ZNF10: variants seen among roughly 807,000 people sequenced by gnomAD.
ZNF10 encodes the protein zinc finger protein 10.
ZNF10 carries 8 observed loss-of-function variants against 12.2 expected under a neutral mutation model. The ratio of observed to expected loss-of-function variants is 0.66; its 90% CI spans 0.39 to 1.18. ZNF10 has a LOEUF of 1.18. ZNF10 is among the 50% of genes most tolerant of loss of function. The pLI, the probability that ZNF10 is intolerant of heterozygous loss-of-function variation, is 0.01. For missense variants in ZNF10, 603 were observed against 678.9 expected, an observed-to-expected ratio of 0.89 and a Z score of 1.24; for synonymous variants, 229 against 228.2, an observed-to-expected ratio of 1.00 and a Z score of -0.03.
chr12:133,134,137 A>G (rs1252945547), intron 1 of ZNF10, among the ~76,000 whole-genome samples: 1 of 144,332 alleles, frequency 6.9e-6, no homozygotes. Flanking sequence ...TGTCGCTACT[A>G]AAAATACAAA....
intron 2 of ZNF10, among the ~76,000 whole-genome samples, chr12:133,147,829 T>C (rs1465278212): frequency 1.3e-5 from 2 of 151,002 alleles, no homozygotes; most frequent in Non-Finnish European, 3.0e-5. Context: ...GGTTTCACCG[T>C]GTTGCCCAGG....
intron 1 of ZNF10, among the ~76,000 whole-genome samples, chr12:133,135,929 A>G (rs1179107899): frequency 1.3e-5 from 2 of 152,180 alleles, no homozygotes; most frequent in Non-Finnish European, 2.9e-5. Flanking sequence ...ACCTCAGCTT[A>G]TCTTTTGTCA....
intron 2 of ZNF10, among the ~76,000 whole-genome samples, chr12:133,150,183 C>T (rs1347913593): frequency 6.6e-6 from 1 of 152,192 alleles, no homozygotes; most frequent in Non-Finnish European, 1.5e-5. Flanking sequence ...TCTGAGATTT[C>T]AGGTTTCTCT....
intron 4 of ZNF10, 86 bp from the exon 5 acceptor site, chr12:133,155,417 T>C: frequency 7.3e-7 from 1 of 1,367,174 alleles, no homozygotes; most frequent in Non-Finnish European, 9.8e-7. Flanking sequence ...ACTGTGTACA[T>C]CTTGCATACT....
At chr12:133,140,592 T>C (rs1401170077) in intron 1 of ZNF10, among the ~76,000 whole-genome samples, 2 of 152,132 alleles carry the variant, frequency 1.3e-5, no homozygotes, top group Non-Finnish European at 2.9e-5. Flanking sequence ...TCTGTTTTGT[T>C]GTTGTTGGGG....
At chr12:133,134,144 C>CAAAAA (rs35470467) in intron 1 of ZNF10, among the ~76,000 whole-genome samples, 2 of 68,066 alleles carry the variant, frequency 2.9e-5, no homozygotes, top group Non-Finnish European at 7.2e-5. Flanking sequence ...ACTAAAAATA[C>CAAAAA]AAAAAAAAAA....
chr12:133,147,868 T>A (rs1955985464), intron 2 of ZNF10, among the ~76,000 whole-genome samples: 1 of 150,696 alleles, frequency 6.6e-6, no homozygotes, highest in Non-Finnish European at 1.5e-5. Flanking sequence ...ACTCAGGCAA[T>A]CCTGAGGCAT....
In ZNF10 at chr12:133,151,046, G is replaced by A; in HGVS notation, c.52G>A (p.Asp18Asn). 6.2e-7 allele frequency: 1 copy of A among 1,612,766 alleles called. No individual in the cohort carries two copies. The highest frequency in any genetic ancestry group is 8.5e-7 in the Non-Finnish European group (1 of 1,179,024). The part of the protein sequence containing the change: ...AWSRTLVTFK[D>N]VFVDFTREEW... The stretch of plus-strand genomic sequence containing the variant: ...GTTGTAGACACTGGTGACCTTCAAG[G>A]ATGTATTTGTGGACTTCACCAGGGA... The change falls in exon 3 of 5, where the codon GAT (aspartate) becomes AAT (asparagine). Residue 18 changes from aspartate (D) to asparagine (N), a missense_variant. Transcript: ENST00000248211.
intron 4 of ZNF10, among the ~76,000 whole-genome samples, chr12:133,152,810 T>A (rs921825328): frequency 2.0e-5 from 3 of 152,216 alleles, no homozygotes; most frequent in African/African-American, 7.2e-5. Flanking sequence ...AATCTGAGTC[T>A]TACTTGTCCT....
At chr12:133,135,584 C>T (rs1406681478) in intron 1 of ZNF10, among the ~76,000 whole-genome samples, 1 of 152,198 alleles carries the variant, frequency 6.6e-6, no homozygotes, top group Non-Finnish European at 1.5e-5. Context: ...CCAAACAGCA[C>T]AGCCTCTGCA....
chr12:133,139,292 G>A (rs1566344798), intron 1 of ZNF10: 1 of 152,220 alleles, frequency 6.6e-6, no homozygotes, highest in African/African-American at 2.4e-5. Context: ...TGCAACATGG[G>A]TAAGGTTTTA....
At chr12:133,149,351 GC>G (rs1371698803) in intron 2 of ZNF10, among the ~76,000 whole-genome samples, 20 of 106,940 alleles carry the variant, frequency 1.9e-4, no homozygotes, top group Middle Eastern at 5.9e-3. Context: ...TTTTGCTATT[GC>G]TTTTTTTTTT....
chr12:133,151,765 C>G, intron 3 of ZNF10, 44 bp from the exon 4 acceptor site: 1 of 1,526,576 alleles, frequency 6.6e-7, no homozygotes, highest in South Asian at 1.1e-5. Context: ...TACCTCAGAG[C>G]TCCCCTGACT....
At chr12:133,142,151 G>T (rs1408582109) in intron 1 of ZNF10, among the ~76,000 whole-genome samples, 1 of 152,152 alleles carries the variant, frequency 6.6e-6, no homozygotes, top group East Asian at 1.9e-4. Context: ...GGCCGGGCGC[G>T]GTGGCTCACG....
intron 1 of ZNF10, among the ~76,000 whole-genome samples, chr12:133,135,164 G>A (rs900676629): frequency 9.9e-5 from 15 of 152,168 alleles, no homozygotes; most frequent in African/African-American, 3.4e-4. Context: ...AATGCCTTTT[G>A]ATCTTAGTGT....
intron 1 of ZNF10, among the ~76,000 whole-genome samples, chr12:133,142,340 G>T (rs978861619): frequency 6.7e-6 from 1 of 148,928 alleles, no homozygotes; most frequent in African/African-American, 2.5e-5. Context: ...AACCTGGGAG[G>T]TGGAGGTTGC....
At position 133,151,841 on chromosome 12, in the gene ZNF10, C is replaced by T. The variant is rs781716805; in HGVS notation, c.193C>T (p.Arg65Trp). 16 of 1,613,162 alleles carry T rather than the reference C, an allele frequency of 9.9e-6. No individual in the cohort carries two copies. Among genetic ancestry groups the T allele is most frequent in the Middle Eastern group, 1.6e-4 (1 of 6,070 alleles). Reference sequence around the variant, plus strand: ...GCTTACTAAGCCAGATGTGATCCTCCGGTTGGAGAAGGGAGAAGAGCCCTG... The same window carrying T: ...GCTTACTAAGCCAGATGTGATCCTCTGGTTGGAGAAGGGAGAAGAGCCCTG... Reference protein sequence around the residue: ...YQLTKPDVILRLEKGEEPWLV... With the variant: ...YQLTKPDVILWLEKGEEPWLV... The change falls in exon 4 of 5, where the codon CGG becomes TGG. Residue 65 changes from arginine to tryptophan, a missense_variant. Arg to Trp is a moderately radical substitution (Grantham distance 101, BLOSUM62 -3). This residue lies in a region of ZNF10 where 393 missense variants were observed against 399.7 expected (regional missense o/e 0.98). Coordinates refer to ENST00000248211, the MANE Select transcript of ZNF10 (RefSeq NM_015394.5).
At chr12:133,133,354 G>A (rs976417074) in intron 1 of ZNF10, among the ~76,000 whole-genome samples, 12 of 152,186 alleles carry the variant, frequency 7.9e-5, no homozygotes, top group Admixed American at 2.0e-4. Context: ...GGTTCCTGAC[G>A]AGGTTGTACC....
chr12:133,148,918 A>G (rs1955991901), intron 2 of ZNF10, among the ~76,000 whole-genome samples: 1 of 151,592 alleles, frequency 6.6e-6, no homozygotes, highest in African/African-American at 2.4e-5. Flanking sequence ...ACACCTGGCT[A>G]ATTTTGTATT....
Sources: allele counts gnomAD v4.1 joint callset (sites outside exome capture counted in the v4.1 genomes callset), GRCh38; gene constraint gnomAD v4.1.1; regional missense constraint gnomAD v4.1.1; transcripts MANE v1.5; gene names NCBI Gene and HGNC (gene_info 2026-07-23, HGNC 2026-07-21).